Variants in PRKG1 observed in about 807,000 individuals in gnomAD.
The protein encoded by PRKG1 is cGMP-dependent protein kinase 1.
A neutral mutation model predicts 88.1 loss-of-function variants in PRKG1; 35 were observed. The observed-to-expected ratio is 0.40, with a 90% CI of 0.30 to 0.53. The LOEUF is 0.53. Among genes scored for constraint, PRKG1 ranks in the 20% least tolerant of loss-of-function variants. The probability of loss-of-function intolerance (pLI) is 0.59; values close to 1 mark genes in which losing one functional copy is unlikely to be tolerated. For synonymous variants in PRKG1, 303 were observed against 292.5 expected (o/e 1.04, Z -0.37); for missense variants, 540 against 839.8 (o/e 0.64, Z 4.41).
chr10:52,007,208 C>T (rs1844759542), intron 5 of PRKG1, among the ~76,000 whole-genome samples: 1 of 151,980 alleles, frequency 6.6e-6, no homozygotes, highest in African/African-American at 2.4e-5. Context: ...AAAGCAACCA[C>T]AAAAAAGAGT....
At position 51,714,986 on chromosome 10, in the gene PRKG1, C is replaced by T. The variant is rs113926709; in HGVS notation, c.593-89599C>T. The stretch of plus-strand genomic sequence containing the variant: ...AAGAGCAAGGGACAGGACAGTGTTA[C>T]CGTATGCCACTATTCTTTTTTTATT... On this transcript the variant is annotated intron_variant, in intron 3 of 17. Coordinates refer to ENST00000373980, the MANE Select transcript of PRKG1 (RefSeq NM_006258.4). 5.9e-3 allele frequency among the ~76,000 whole-genome samples: 895 copies of T among 152,202 alleles called. 5 individuals are homozygous for T. Among genetic ancestry groups the T allele is most frequent in the Middle Eastern group, 0.024 (7 of 294 alleles).
intron 2 of PRKG1, among the ~76,000 whole-genome samples, chr10:51,326,528 A>G (rs1841597023): frequency 6.6e-6 from 1 of 152,232 alleles, no homozygotes; most frequent in Admixed American, 6.5e-5. Context: ...AAATTAATGG[A>G]TAAAATACCC....
chr10:51,772,236 A>G (rs1838322471), intron 3 of PRKG1, among the ~76,000 whole-genome samples: 1 of 152,180 alleles, frequency 6.6e-6, no homozygotes, highest in Non-Finnish European at 1.5e-5. Flanking sequence ...TTTTAAAAGT[A>G]TGTGTACATT....
chr10:52,172,162 T>C (rs984098293), intron 9 of PRKG1, among the ~76,000 whole-genome samples: 2 of 152,238 alleles, frequency 1.3e-5, no homozygotes. Context: ...AGCGCTTATC[T>C]TTGAGACTCT....
At chr10:51,672,912 A>T (rs1381135564) in intron 3 of PRKG1, among the ~76,000 whole-genome samples, 2 of 152,156 alleles carry the variant, frequency 1.3e-5, no homozygotes, top group African/African-American at 4.8e-5. Flanking sequence ...TTTCACCTTT[A>T]CACTGAAGTG....
At chr10:51,923,378 C>T (rs1003918432) in intron 5 of PRKG1, among the ~76,000 whole-genome samples, 3 of 151,098 alleles carry the variant, frequency 2.0e-5, no homozygotes, top group Non-Finnish European at 4.4e-5. Flanking sequence ...TTACACTGTT[C>T]AAATTTAAAG....
At chr10:51,166,435 T>G (rs1253310157) in intron 2 of PRKG1, among the ~76,000 whole-genome samples, 2 of 152,158 alleles carry the variant, frequency 1.3e-5, no homozygotes, top group African/African-American at 2.4e-5. Flanking sequence ...AATGATTAAA[T>G]TTAAATTTAC....
At chr10:51,577,558 T>A (rs939625534) in intron 3 of PRKG1, among the ~76,000 whole-genome samples, 34 of 152,026 alleles carry the variant, frequency 2.2e-4, no homozygotes, top group African/African-American at 7.5e-4. Flanking sequence ...TGATAGAGGA[T>A]CTAGATAAGT....
chr10:51,252,173 C>T (rs1487724271), intron 2 of PRKG1, among the ~76,000 whole-genome samples: 2 of 151,492 alleles, frequency 1.3e-5, no homozygotes, highest in Non-Finnish European at 3.0e-5. Flanking sequence ...AAAACAAAAA[C>T]AAAAACAAAA....
intron 2 of PRKG1, among the ~76,000 whole-genome samples, chr10:51,438,968 C>G (rs1464898394): frequency 6.7e-6 from 1 of 149,950 alleles, no homozygotes; most frequent in East Asian, 1.9e-4. Flanking sequence ...ATCAAAAGAG[C>G]TAAAAACCAC....
chr10:51,577,488 G>A (rs1348821322), intron 3 of PRKG1, among the ~76,000 whole-genome samples: 1 of 151,910 alleles, frequency 6.6e-6, no homozygotes, highest in African/African-American at 2.4e-5. Context: ...CCTAAATGTG[G>A]TATTCCTATC....
intron 2 of PRKG1, among the ~76,000 whole-genome samples, chr10:51,231,086 G>C (rs1259063349): frequency 6.6e-6 from 1 of 152,104 alleles, no homozygotes; most frequent in Admixed American, 6.5e-5. Context: ...GGAGTGAAAA[G>C]GGAGGGAGAA....
intron 12 of PRKG1, among the ~76,000 whole-genome samples, chr10:52,276,706 T>C (rs1227111342): frequency 3.3e-5 from 5 of 152,210 alleles, no homozygotes; most frequent in Non-Finnish European, 5.9e-5. Context: ...AAGTGATTTA[T>C]TTCTTTAAGT....
intron 9 of PRKG1, among the ~76,000 whole-genome samples, chr10:52,201,126 C>T (rs1839655311): frequency 6.6e-6 from 1 of 152,040 alleles, no homozygotes; most frequent in Non-Finnish European, 1.5e-5. Context: ...GAAATCTTTG[C>T]CAGTGCCTAT....
At position 51,115,385 on chromosome 10, in the gene PRKG1, A is replaced by ATATATATATATATATATATATATATATAT. The variant is rs1554837458; in HGVS notation, c.312-37779_312-37778insTATATATATATATATATATATATATATAT. ...TGTTCCTTTAAACATATATATATAT[A>ATATATATATATATATATATATATATATAT]AAACAAATGTGAAAGGGGGAGAGAC... On this transcript the variant is annotated intron_variant, in intron 1 of 17. Coordinates refer to ENST00000373980, the MANE Select transcript of PRKG1 (RefSeq NM_006258.4). Among the ~76,000 whole-genome samples the ATATATATATATATATATATATATATATAT allele has an allele frequency of 1.4e-3, 136 of 94,396 alleles. 6 individuals are homozygous for ATATATATATATATATATATATATATATAT. Among genetic ancestry groups the ATATATATATATATATATATATATATATAT allele is most frequent in the South Asian group, 2.7e-3 (5 of 1,832 alleles). 61.9% of individuals were successfully genotyped at this position (94,396 alleles called of 152,430 possible).
intron 2 of PRKG1, among the ~76,000 whole-genome samples, chr10:51,410,672 C>A (rs1037056126): frequency 6.6e-6 from 1 of 151,998 alleles, no homozygotes; most frequent in African/African-American, 2.4e-5. Context: ...TCATCACAAA[C>A]CCTCATTGCA....
At chr10:52,246,660 T>C (rs1841030679) in intron 9 of PRKG1, among the ~76,000 whole-genome samples, 1 of 152,024 alleles carries the variant, frequency 6.6e-6, no homozygotes, top group Non-Finnish European at 1.5e-5. Flanking sequence ...GCGGATCACC[T>C]GAGGTCGGGA....
intron 1 of PRKG1, among the ~76,000 whole-genome samples, chr10:51,023,062 G>A (rs1449556858): frequency 6.6e-6 from 1 of 152,166 alleles, no homozygotes; most frequent in Non-Finnish European, 1.5e-5. Context: ...TAGCTGGTAA[G>A]GCAGCCTGAC....
chr10:51,831,434 C>T (rs949620540), intron 4 of PRKG1, among the ~76,000 whole-genome samples: 2 of 151,662 alleles, frequency 1.3e-5, no homozygotes, highest in Non-Finnish European at 2.9e-5. Context: ...CCTCTACCAG[C>T]CAAGAAAATG....
Sources: allele counts gnomAD v4.1 joint callset (sites outside exome capture counted in the v4.1 genomes callset), GRCh38; gene constraint gnomAD v4.1.1; transcripts MANE v1.5; gene names NCBI Gene and HGNC (gene_info 2026-07-23, HGNC 2026-07-21).